Variants in IFT140 observed in about 807,000 individuals in gnomAD.
IFT140 encodes intraflagellar transport 140, also known as intraflagellar transport protein 140 homolog.
IFT140 carries 133 observed loss-of-function variants against 164.6 expected under a neutral mutation model. The ratio of observed to expected loss-of-function variants is 0.81; its 90% CI spans 0.70 to 0.93. The LOEUF (loss-of-function observed/expected upper bound fraction) is 0.93, where lower values mean the gene tolerates loss of function less well. IFT140 is among the 40% of genes least tolerant of loss of function. The pLI, the probability that IFT140 is intolerant of heterozygous loss-of-function variation, is 0.00. For synonymous variants in IFT140, 860 were observed against 817.3 expected (o/e 1.05, Z -0.89); for missense variants, 2,045 against 1,972.3 (o/e 1.04, Z -0.70).
intron 30 of IFT140, among the ~76,000 whole-genome samples, chr16:1,512,789 C>G (rs930022802): frequency 4.6e-5 from 7 of 152,148 alleles, no homozygotes; most frequent in Admixed American, 4.6e-4. Flanking sequence ...GACCTCGTCT[C>G]AAAACCAAAC....
intron 2 of IFT140, among the ~76,000 whole-genome samples, chr16:1,608,794 T>C (rs550180789): frequency 1.3e-5 from 2 of 152,222 alleles, no homozygotes; most frequent in Admixed American, 6.5e-5. Context: ...TGGCTCACTG[T>C]AGCCTTGAAC....
intron 19 of IFT140, chr16:1,534,545 C>T: frequency 6.2e-7 from 1 of 1,603,476 alleles, no homozygotes; most frequent in Non-Finnish European, 8.5e-7. Flanking sequence ...AGTCCCGAGG[C>T]ACCGTCAAAC....
At position 1,520,216 on chromosome 16, in the gene IFT140, G is replaced by A. The variant is rs775044452; in HGVS notation, c.3788C>T (p.Pro1263Leu). The A allele has an allele frequency of 8.1e-6, 13 of 1,614,066 alleles. No homozygotes were observed. The highest frequency in any genetic ancestry group is 1.1e-5 in the South Asian group (1 of 91,086). The change falls in exon 28 of 31, where the codon CCG (proline) becomes CTG (leucine). Residue 1263 changes from proline to leucine, a missense_variant. Transcript: ENST00000426508. ...GCCGATGATGTTCTTCATGATCTCC[G>A]GCTCCTTCCGCCAGTCCAGGGACTG... ...YLQSLDWRKE[P>L]EIMKNIIGFY...
At chr16:1,606,919 CGT>C (rs2036096746) in intron 3 of IFT140, among the ~76,000 whole-genome samples, 199 bp downstream of exon 3, 6 of 151,800 alleles carry the variant, frequency 4.0e-5, no homozygotes, top group Admixed American at 3.3e-4. Context: ...CACACACCCA[CGT>C]GTGCGCACAC....
rs1435471665 is a variant in IFT140, at chr16:1,533,039, T to G, written c.2400-6243A>C. 6.6e-6 allele frequency: 1 copy of G among 152,478 alleles called. No individual in the cohort carries two copies. The highest frequency in any genetic ancestry group is 1.5e-5 in the Non-Finnish European group (1 of 68,322). 9.4% of individuals were successfully genotyped at this position (152,478 alleles called of 1,614,324 possible). A position where few individuals can be genotyped will look rare whatever the true frequency, so the allele number is the denominator to read the frequency against. On this transcript the variant is annotated intron_variant, in intron 19 of 30. Transcript: ENST00000426508. This position sits in a 1 kb window ranked among gnomAD's most constrained non-coding sequence, Gnocchi z 4.7. ...CCCTTCTTGCCACCTAAGAATGACC[T>G]GGCCTCGAGGTCCTCCAAGTACAGG...
chr16:1,609,024 GCC>G (rs2036214810), intron 2 of IFT140, among the ~76,000 whole-genome samples: 1 of 152,038 alleles, frequency 6.6e-6, no homozygotes, highest in Non-Finnish European at 1.5e-5. Context: ...GTGTGGTGGT[GCC>G]TGCCTGTAAT....
chr16:1,561,374 T>G (rs1258509559), intron 18 of IFT140, among the ~76,000 whole-genome samples: 1 of 152,208 alleles, frequency 6.6e-6, no homozygotes, highest in Non-Finnish European at 1.5e-5. Context: ...CAAAAGAACC[T>G]ACTGGGGTGT....
rs1006037750 is a variant in IFT140, at chr16:1,541,864, G to C, written c.2400-15068C>G. 5 of 1,496,468 alleles carry C rather than the reference G, an allele frequency of 3.3e-6. No homozygotes were observed. The African/African-American group carries it at 4.2e-5, about 13-fold the overall frequency. The allele number at this position is 1,496,468 out of a possible 1,614,324, so 92.7% of individuals were successfully genotyped here. A position where few individuals can be genotyped will look rare whatever the true frequency, so the allele number is the denominator to read the frequency against. Reference sequence around the variant, plus strand: ...GACCACGAAAGTGGCGTGACGGCTGGCGTGGCCTCTGGAGCCCACCTGCAC... The same window carrying C: ...GACCACGAAAGTGGCGTGACGGCTGCCGTGGCCTCTGGAGCCCACCTGCAC... On this transcript the variant is annotated intron_variant, in intron 19 of 30. Transcript: ENST00000426508.
At chr16:1,535,753 C>A (rs959405245) in intron 19 of IFT140, among the ~76,000 whole-genome samples, 2 of 152,238 alleles carry the variant, frequency 1.3e-5, no homozygotes, top group South Asian at 2.1e-4. Flanking sequence ...ACTCAAAGGC[C>A]CTCGGCTGCA....
At chr16:1,560,544 G>A (rs541543476) in intron 18 of IFT140, among the ~76,000 whole-genome samples, 1 of 152,228 alleles carries the variant, frequency 6.6e-6, no homozygotes, top group South Asian at 2.1e-4. Flanking sequence ...GTGAATGCCA[G>A]CTCAGGGGTG....
At chr16:1,547,723 A>G (rs1250678442) in intron 19 of IFT140, among the ~76,000 whole-genome samples, 1 of 152,120 alleles carries the variant, frequency 6.6e-6, no homozygotes. Flanking sequence ...TTTGGTAGAG[A>G]TGGGGTTTCA....
intron 4 of IFT140, among the ~76,000 whole-genome samples, chr16:1,601,257 C>T (rs35379437): frequency 0.053 from 7,828 of 147,876 alleles, 422 homozygotes; most frequent in Admixed American, 0.17. Context: ...GAGCAAGATT[C>T]CATCACAAAA....
At chr16:1,589,412 C>T (rs1041759616) in intron 7 of IFT140, among the ~76,000 whole-genome samples, 193 bp downstream of exon 7, 2 of 152,192 alleles carry the variant, frequency 1.3e-5, no homozygotes, top group African/African-American at 2.4e-5. Context: ...ATCTCCATCT[C>T]TTTTGTTTCC....
intron 3 of IFT140, 143 bp downstream of exon 3, chr16:1,606,973 TACAC>T: frequency 1.3e-6 from 1 of 782,278 alleles, no homozygotes; most frequent in Non-Finnish European, 2.1e-6. Flanking sequence ...CACACACCAA[TACAC>T]ATACACGCAC....
At chr16:1,511,253 G>A (rs890750793) in intron 30 of IFT140, 103 bp from the exon 31 acceptor site, 52 of 1,063,880 alleles carry the variant, frequency 4.9e-5, no homozygotes, top group Non-Finnish European at 6.9e-5. Flanking sequence ...GCGGGTGGGG[G>A]TGCCTCCGCG....
chr16:1,552,572 C>T (rs569560157), intron 19 of IFT140, among the ~76,000 whole-genome samples: 21 of 152,090 alleles, frequency 1.4e-4, no homozygotes, highest in South Asian at 6.2e-4. Flanking sequence ...ACCACACAAT[C>T]GTGAGCAGAG....
chr16:1,517,367 AG>A (rs147652844), intron 30 of IFT140, among the ~76,000 whole-genome samples: 31,648 of 111,616 alleles, frequency 0.28, 3,504 homozygotes, highest in African/African-American at 0.5. Context: ...AAAAAAAAAA[AG>A]TACAATAATA....
intron 14 of IFT140, among the ~76,000 whole-genome samples, chr16:1,570,716 G>A (rs762305896): frequency 6.6e-6 from 1 of 152,190 alleles, no homozygotes; most frequent in Non-Finnish European, 1.5e-5. Context: ...CAGTGAGACT[G>A]TTTTGTTACC....
At chr16:1,600,484 C>T (rs986770722) in intron 4 of IFT140, among the ~76,000 whole-genome samples, 2 of 149,918 alleles carry the variant, frequency 1.3e-5, no homozygotes, top group East Asian at 1.9e-4. Flanking sequence ...AAAATGTACA[C>T]AGGTGCAAAA....
Sources: gnomAD v4.1 joint callset for allele counts (sites outside exome capture counted in the v4.1 genomes callset) on GRCh38, gnomAD v4.1.1 for gene constraint, Gnocchi (gnomAD v3.1) non-coding constraint, MANE v1.5 for transcripts, NCBI Gene and HGNC (gene_info 2026-07-23, HGNC 2026-07-21) for gene names.